The following DNM3 variants were observed in gnomAD, a reference collection of about 807,000 sequenced individuals.
The protein encoded by DNM3 is dynamin-3.
A neutral mutation model predicts 101.6 loss-of-function variants in DNM3; 47 were observed. The observed-to-expected ratio is 0.46, with a 90% CI of 0.37 to 0.59. DNM3 has a LOEUF of 0.59. Among genes scored for constraint, DNM3 ranks in the 20% least tolerant of loss-of-function variants. The pLI, the probability that DNM3 is intolerant of heterozygous loss-of-function variation, is 0.00. For synonymous variants in DNM3, 385 were observed against 387.9 expected (o/e 0.99, Z 0.09); for missense variants, 849 against 1,085.7 (o/e 0.78, Z 3.06).
intron 2 of DNM3, among the ~76,000 whole-genome samples, chr1:171,982,515 T>C (rs1197697544): frequency 6.6e-6 from 1 of 152,132 alleles, no homozygotes; most frequent in Admixed American, 6.5e-5. Flanking sequence ...AAAAAGTACT[T>C]TGTGGTTCCT....
chr1:172,098,582 AG>A (rs2054413289), intron 13 of DNM3, among the ~76,000 whole-genome samples: 1 of 152,254 alleles, frequency 6.6e-6, no homozygotes, highest in South Asian at 2.1e-4. Flanking sequence ...AAGAGATTAA[AG>A]TAAAGACAGG....
chr1:172,327,669 C>T (rs1038207674), intron 17 of DNM3, among the ~76,000 whole-genome samples: 3 of 152,124 alleles, frequency 2.0e-5, no homozygotes, highest in African/African-American at 4.8e-5. Flanking sequence ...AATGTGTGTG[C>T]TTTCCCTGAT....
chr1:172,161,870 A>G (rs865797893), intron 14 of DNM3, among the ~76,000 whole-genome samples: 1 of 152,124 alleles, frequency 6.6e-6, no homozygotes, highest in African/African-American at 2.4e-5. Flanking sequence ...TTGAACAAAG[A>G]GAGGTACCAT....
intron 14 of DNM3, among the ~76,000 whole-genome samples, chr1:172,172,126 C>G (rs987275524): frequency 6.6e-6 from 1 of 151,578 alleles, no homozygotes; most frequent in African/African-American, 2.4e-5. Flanking sequence ...AGAGAGCCCC[C>G]TAAAGAACTG....
intron 1 of DNM3, among the ~76,000 whole-genome samples, chr1:171,889,048 C>G (rs529161190): frequency 6.6e-6 from 1 of 152,154 alleles, no homozygotes; most frequent in Non-Finnish European, 1.5e-5. Flanking sequence ...GGTGCAATCA[C>G]GGCACACTGT....
At chr1:172,267,817 A>G (rs892097253) in intron 15 of DNM3, among the ~76,000 whole-genome samples, 3 of 151,968 alleles carry the variant, frequency 2.0e-5, no homozygotes, top group Non-Finnish European at 4.4e-5. Context: ...GGTTCACACC[A>G]TTCTCCTGCC....
At chr1:172,095,974 T>TG (rs1360011916) in intron 13 of DNM3, among the ~76,000 whole-genome samples, 5 of 152,142 alleles carry the variant, frequency 3.3e-5, no homozygotes, top group African/African-American at 1.2e-4. Flanking sequence ...GTGTGGTGGG[T>TG]GTTTAGAGAA....
In DNM3 at chr1:171,947,683, C is replaced by T. The variant is rs974131089; in HGVS notation, c.235+25862C>T. Among the ~76,000 whole-genome samples the T allele has an allele frequency of 5.3e-5, 8 of 151,814 alleles. No individual in the cohort carries two copies. In the East Asian group the frequency reaches 1.5e-3, roughly 29 times the overall value. Reference sequence around the variant, plus strand: ...ACAAAGTAAATTTGTTTGCTTTGGCCCCACCCTGCCATTTCTATATGTTTT... The same window carrying T: ...ACAAAGTAAATTTGTTTGCTTTGGCTCCACCCTGCCATTTCTATATGTTTT... On this transcript the variant is annotated intron_variant, in intron 2 of 20. Transcript: ENST00000627582.
chr1:171,993,822 A>C (rs1378588089), intron 4 of DNM3, among the ~76,000 whole-genome samples: 3 of 151,998 alleles, frequency 2.0e-5, no homozygotes, highest in African/African-American at 7.2e-5. Flanking sequence ...GAACAATCTC[A>C]ATTGATCTGT....
At position 172,377,164 on chromosome 1, in the gene DNM3, G is replaced by GA. The variant is rs1308977600; in HGVS notation, c.1894-1848dup. Among the ~76,000 whole-genome samples, 4 of 146,658 alleles carry GA rather than the reference G, an allele frequency of 2.7e-5. No homozygotes were observed. The South Asian group carries it at 8.4e-4, about 31-fold the overall frequency. The stretch of plus-strand genomic sequence containing the variant: ...ATGTTCTGGTTTCTTAATACCTAAG[G>GA]AAAAAATTGACTTAAAATAATATTT... On this transcript the variant is annotated intron_variant, in intron 17 of 20. Transcript: ENST00000627582.
intron 17 of DNM3, among the ~76,000 whole-genome samples, chr1:172,354,590 A>G (rs943049160): frequency 1.3e-5 from 2 of 152,134 alleles, no homozygotes; most frequent in African/African-American, 4.8e-5. Context: ...TTTGATTTCT[A>G]GTGGTTTTTT....
intron 15 of DNM3, among the ~76,000 whole-genome samples, chr1:172,287,122 T>G (rs1045234511): frequency 6.6e-6 from 1 of 152,232 alleles, no homozygotes; most frequent in African/African-American, 2.4e-5. Context: ...GGCCAAGAGC[T>G]GAAGTCCCTT....
chr1:171,924,328 C>A (rs2040397157), intron 2 of DNM3, among the ~76,000 whole-genome samples: 1 of 152,126 alleles, frequency 6.6e-6, no homozygotes, highest in Non-Finnish European at 1.5e-5. Flanking sequence ...TTCTCTGCAG[C>A]CCTGCCATCA....
At chr1:171,925,062 G>A (rs1231724628) in intron 2 of DNM3, among the ~76,000 whole-genome samples, 1 of 151,500 alleles carries the variant, frequency 6.6e-6, no homozygotes, top group Non-Finnish European at 1.5e-5. Context: ...ACCACGCCCG[G>A]CTAATTTTTT....
At chr1:171,921,912 T>G (rs2040202816) in intron 2 of DNM3, 91 bp downstream of exon 2, 1 of 1,166,030 alleles carries the variant, frequency 8.6e-7, no homozygotes, top group Non-Finnish European at 1.2e-6. Context: ...TAGAAACGTT[T>G]TTGTGATCGC....
At chr1:172,174,780 ATATTGC>A (rs747107146) in intron 14 of DNM3, among the ~76,000 whole-genome samples, 2 of 151,694 alleles carry the variant, frequency 1.3e-5, no homozygotes, top group Non-Finnish European at 3.0e-5. Flanking sequence ...TGGGTGAAGG[ATATTGC>A]TGTTTCAGGT....
chr1:172,326,136 C>T (rs1246533659), intron 17 of DNM3, among the ~76,000 whole-genome samples: 2 of 152,136 alleles, frequency 1.3e-5, no homozygotes, highest in Non-Finnish European at 1.5e-5. Context: ...GAATGCATGA[C>T]GGAACAAAAC....
intron 10 of DNM3, among the ~76,000 whole-genome samples, chr1:172,063,016 G>C (rs1226988959): frequency 6.6e-6 from 1 of 152,194 alleles, no homozygotes; most frequent in Admixed American, 6.5e-5. Context: ...ATGCTTTTAT[G>C]AGTGCTAAAA....
intron 2 of DNM3, among the ~76,000 whole-genome samples, chr1:171,961,421 C>T (rs1276594561): frequency 6.6e-6 from 1 of 152,032 alleles, no homozygotes; most frequent in East Asian, 1.9e-4. Context: ...ATACTGTACT[C>T]AGAACTAAAG....
Sources: gnomAD v4.1 joint callset for allele counts (sites outside exome capture counted in the v4.1 genomes callset) on GRCh38, gnomAD v4.1.1 for gene constraint, MANE v1.5 for transcripts, NCBI Gene and HGNC (gene_info 2026-07-23, HGNC 2026-07-21) for gene names.